The following ZNF536 variants were observed in gnomAD, a reference collection of about 807,000 sequenced individuals.
ZNF536 encodes zinc finger protein 536.
Under a neutral mutation model 84.5 loss-of-function variants are expected in ZNF536, and 13 were observed. That is an observed-to-expected ratio of 0.15 (90% CI 0.10 to 0.24). The LOEUF (loss-of-function observed/expected upper bound fraction) is 0.24. Ranked by LOEUF, ZNF536 falls within the 10% of genes least tolerant of loss-of-function variation. ZNF536 has a pLI of 1.00. For synonymous variants in ZNF536, 811 were observed against 742.5 expected (o/e 1.09, Z -1.50); for missense variants, 1,536 against 1,747.5 (o/e 0.88, Z 2.16).
chr19:30,359,328 G>T (rs1372400863), intron 3 of ZNF536, among the ~76,000 whole-genome samples: 1 of 152,200 alleles, frequency 6.6e-6, no homozygotes, highest in Non-Finnish European at 1.5e-5. Context: ...GCCCTGAGCT[G>T]CCCCCGGGAC....
At chr19:30,335,222 A>G (rs1264522668) in intron 2 of ZNF536, among the ~76,000 whole-genome samples, 1 of 152,184 alleles carries the variant, frequency 6.6e-6, no homozygotes, top group Non-Finnish European at 1.5e-5. Flanking sequence ...CCTGCCACCT[A>G]TGAACAGTGT....
rs527241740 is a variant in ZNF536, at chr19:30,443,496, A to G, written c.-2-65A>G. On this transcript the variant is annotated intron_variant, in intron 1 of 4. Transcript: ENST00000355537. Reference sequence around the variant, plus strand: ...TGAAATGGAAATTCCCTGCCCGCCAATGCTGTTGATTCATGGCGCCACAGC... The same window carrying G: ...TGAAATGGAAATTCCCTGCCCGCCAGTGCTGTTGATTCATGGCGCCACAGC... 16 of 1,494,946 alleles carry G rather than the reference A, an allele frequency of 1.1e-5. No homozygotes were observed. In the Admixed American group the frequency reaches 1.7e-4, roughly 16 times the overall value. 92.6% of individuals were successfully genotyped at this position (1,494,946 alleles called of 1,614,324 possible). A position where few individuals can be genotyped will look rare whatever the true frequency, so the allele number is the denominator to read the frequency against.
chr19:30,329,456 C>G (rs1291171946), intron 2 of ZNF536, among the ~76,000 whole-genome samples: 1 of 152,150 alleles, frequency 6.6e-6, no homozygotes, highest in Non-Finnish European at 1.5e-5. Context: ...AGAATATCTG[C>G]TTAGAGCTAG....
chr19:30,573,100 A>G (rs750557886), intron 1 of ZNF536, among the ~76,000 whole-genome samples: 4 of 152,082 alleles, frequency 2.6e-5, no homozygotes, highest in Non-Finnish European at 5.9e-5. Context: ...AGAGGAACAG[A>G]GTTTTGGAGG....
intron 2 of ZNF536, among the ~76,000 whole-genome samples, chr19:30,490,939 G>T (rs536259151): frequency 2.0e-5 from 3 of 152,190 alleles, no homozygotes; most frequent in Non-Finnish European, 4.4e-5. Context: ...CTTTAGGGGC[G>T]TTGAGGGTGT....
At chr19:30,635,177 G>C (rs1432375324) in intron 1 of ZNF536, among the ~76,000 whole-genome samples, 1 of 152,090 alleles carries the variant, frequency 6.6e-6, no homozygotes, top group Non-Finnish European at 1.5e-5. Flanking sequence ...TTTGCCAAAC[G>C]TTCAGGCACT....
At chr19:30,488,748 C>A (rs985309816) in intron 2 of ZNF536, among the ~76,000 whole-genome samples, 1 of 152,160 alleles carries the variant, frequency 6.6e-6, no homozygotes, top group African/African-American at 2.4e-5. Context: ...TGCAAATGCA[C>A]AGCCTCCCTC....
intron 3 of ZNF536, among the ~76,000 whole-genome samples, chr19:30,546,728 G>C (rs1213758801): frequency 6.6e-6 from 1 of 152,198 alleles, no homozygotes. Context: ...TGAGGTTCCT[G>C]GAAGAAATAA....
chr19:30,518,816 C>T (rs1463653546), intron 2 of ZNF536, among the ~76,000 whole-genome samples: 1 of 151,992 alleles, frequency 6.6e-6, no homozygotes, highest in Non-Finnish European at 1.5e-5. Flanking sequence ...TGAGCCTTAG[C>T]AGTCAGTGTT....
chr19:30,682,894 C>T (rs2051032430), intron 1 of ZNF536, among the ~76,000 whole-genome samples: 1 of 152,188 alleles, frequency 6.6e-6, no homozygotes, highest in Admixed American at 6.5e-5. Context: ...GTCTCCATGA[C>T]GACAAGATGG....
At chr19:30,475,884 T>C (rs952720659) in intron 2 of ZNF536, among the ~76,000 whole-genome samples, 1 of 152,184 alleles carries the variant, frequency 6.6e-6, no homozygotes, top group Non-Finnish European at 1.5e-5. Context: ...AGGTGCCTGC[T>C]CCTCCAGGGA....
chr19:30,300,221 C>T (rs989034125), intron 2 of ZNF536, among the ~76,000 whole-genome samples: 6 of 152,164 alleles, frequency 3.9e-5, no homozygotes, highest in Non-Finnish European at 7.3e-5. Flanking sequence ...ATCTGATTAA[C>T]CTGTTGTCCA....
At chr19:30,648,723 G>C (rs2049574078) in intron 1 of ZNF536, among the ~76,000 whole-genome samples, 1 of 152,140 alleles carries the variant, frequency 6.6e-6, no homozygotes, top group Non-Finnish European at 1.5e-5. Flanking sequence ...AATTTTAAAA[G>C]CTCAATAAAG....
At chr19:30,470,240 A>G (rs1225946332) in intron 2 of ZNF536, among the ~76,000 whole-genome samples, 2 of 152,170 alleles carry the variant, frequency 1.3e-5, no homozygotes, top group African/African-American at 4.8e-5. Flanking sequence ...TAAATTTCTA[A>G]TTTTTGAATA....
intron 2 of ZNF536, among the ~76,000 whole-genome samples, chr19:30,332,144 G>A (rs940840513): frequency 6.6e-6 from 1 of 152,120 alleles, no homozygotes. Context: ...TCTCTCCTGG[G>A]CTTGCTTTTC....
At chr19:30,461,168 G>A (rs2053117204) in intron 2 of ZNF536, among the ~76,000 whole-genome samples, 1 of 152,160 alleles carries the variant, frequency 6.6e-6, no homozygotes. Context: ...GAGGTCTGGA[G>A]GGGACAGCGT....
intron 2 of ZNF536, among the ~76,000 whole-genome samples, chr19:30,461,449 G>A (rs1330695837): frequency 6.6e-6 from 1 of 152,170 alleles, no homozygotes. Context: ...TCCCTTCAGA[G>A]AAAGGAGCAG....
chr19:30,349,950 T>C (rs948977667), intron 2 of ZNF536, among the ~76,000 whole-genome samples: 6 of 152,096 alleles, frequency 3.9e-5, no homozygotes, highest in African/African-American at 1.4e-4. Context: ...TTAATGTGGG[T>C]ATACTTTTGT....
chr19:30,329,389 G>A (rs1002730815), intron 2 of ZNF536, among the ~76,000 whole-genome samples: 1 of 152,110 alleles, frequency 6.6e-6, no homozygotes, highest in Non-Finnish European at 1.5e-5. Context: ...TTTTGGAGGT[G>A]GGGGGCTGGG....
Sources: allele counts gnomAD v4.1 joint callset (sites outside exome capture counted in the v4.1 genomes callset), GRCh38; gene constraint gnomAD v4.1.1; transcripts MANE v1.5; gene names NCBI Gene and HGNC (gene_info 2026-07-23, HGNC 2026-07-21).